RASGEF1A: variants seen among roughly 807,000 people sequenced by gnomAD.
The protein encoded by RASGEF1A is ras-GEF domain-containing family member 1A.
RASGEF1A carries 18 observed loss-of-function variants against 56.4 expected under a neutral mutation model. The observed-to-expected ratio is 0.32, with a 90% CI of 0.22 to 0.47. The LOEUF (loss-of-function observed/expected upper bound fraction) is 0.47, where lower values mean the gene tolerates loss of function less well. Ranked by LOEUF, RASGEF1A falls within the 20% of genes least tolerant of loss-of-function variation. RASGEF1A has a pLI of 1.00. For synonymous variants in RASGEF1A, 245 were observed against 242.6 expected (o/e 1.01, Z -0.09); for missense variants, 422 against 627.1 (o/e 0.67, Z 3.49).
rs1181944995 is a variant in RASGEF1A, at chr10:43,225,995, C to T, written c.-6-19873G>A. Among the ~76,000 whole-genome samples the T allele has an allele frequency of 4.6e-5, 7 of 152,040 alleles. No individual in the cohort carries two copies. In the East Asian group the frequency reaches 1.4e-3, roughly 29 times the overall value. On this transcript the variant is annotated intron_variant, in intron 1 of 12. Coordinates refer to ENST00000395810, the MANE Select transcript of RASGEF1A (RefSeq NM_145313.4). ...GGAAATGCCAGGGGCTGGGTCCCAG[C>T]CCGGAAGGCGGGTGTGGGCGGTGAC... is the stretch of plus-strand genomic sequence containing the variant.
At chr10:43,213,359 TGA>T (rs1371794863) in intron 1 of RASGEF1A, among the ~76,000 whole-genome samples, 1 of 151,762 alleles carries the variant, frequency 6.6e-6, no homozygotes, top group African/African-American at 2.4e-5. Context: ...ATACTACATA[TGA>T]ATAAAAGAAA....
chr10:43,207,262 C>T, intron 1 of RASGEF1A: 1 of 985,540 alleles, frequency 1.0e-6, no homozygotes, highest in Non-Finnish European at 1.2e-6. Context: ...CCATTTTGGC[C>T]TTAGTTTCCC....
intron 1 of RASGEF1A, among the ~76,000 whole-genome samples, chr10:43,236,367 C>T (rs1271370742): frequency 6.6e-6 from 1 of 152,198 alleles, no homozygotes; most frequent in Admixed American, 6.5e-5. Flanking sequence ...ACATGTGTGC[C>T]TGAGCAGGTG....
chr10:43,202,823 T>C (rs1325668753), intron 3 of RASGEF1A: 1 of 422,294 alleles, frequency 2.4e-6, no homozygotes. Flanking sequence ...CAGCCTGGTG[T>C]GGCGTCACGC....
Position 43,215,792 on chromosome 10 carries a change from C to T in RASGEF1A, c.-6-9670G>A, listed in dbSNP as rs568520360. Reference sequence around the variant, plus strand: ...TGCCACGCACAACGGCCACAGATGGCGACATGATATTCTGGGTTAGGAGAG... The same window carrying T: ...TGCCACGCACAACGGCCACAGATGGTGACATGATATTCTGGGTTAGGAGAG... On this transcript the variant is annotated intron_variant, in intron 1 of 12. Coordinates refer to ENST00000395810, the MANE Select transcript of RASGEF1A (RefSeq NM_145313.4). Among the ~76,000 whole-genome samples the T allele has an allele frequency of 6.6e-5, 10 of 152,238 alleles. No individual in the cohort carries two copies. In the South Asian group the frequency reaches 1.5e-3, roughly 22 times the overall value.
chr10:43,242,688 A>G (rs975925828), intron 1 of RASGEF1A, among the ~76,000 whole-genome samples: 1 of 151,436 alleles, frequency 6.6e-6, no homozygotes, highest in African/African-American at 2.4e-5. Context: ...ACGCGCCGCC[A>G]CTCTTGACTG....
At chr10:43,202,600 C>T (rs1588928326) in intron 3 of RASGEF1A, 2 of 465,400 alleles carry the variant, frequency 4.3e-6, no homozygotes, top group Non-Finnish European at 8.8e-6. Context: ...GCCAAGACTC[C>T]GCGCCAGCCC....
chr10:43,260,572 C>A (rs1204682738), intron 1 of RASGEF1A, among the ~76,000 whole-genome samples: 5 of 152,324 alleles, frequency 3.3e-5, no homozygotes, highest in East Asian at 1.9e-4. Flanking sequence ...CAGACCCAGA[C>A]CCCACGGAGA....
At chr10:43,202,332 A>G (rs536424882) in intron 3 of RASGEF1A, among the ~76,000 whole-genome samples, 7 of 152,304 alleles carry the variant, frequency 4.6e-5, no homozygotes, top group African/African-American at 1.7e-4. Flanking sequence ...TGAAAGGGCG[A>G]CAGCGCTGAA....
At chr10:43,208,217 C>T (rs1435811947) in intron 1 of RASGEF1A, 1 of 985,342 alleles carries the variant, frequency 1.0e-6, no homozygotes, top group Non-Finnish European at 1.2e-6. Context: ...CCTCCTCACC[C>T]CAAGCTCTTG....
At chr10:43,264,468 G>A (rs559423834) in intron 1 of RASGEF1A, among the ~76,000 whole-genome samples, 37 of 151,618 alleles carry the variant, frequency 2.4e-4, no homozygotes, top group Non-Finnish European at 3.8e-4. Context: ...CCCTCCCTCC[G>A]CACATCACAC....
intron 4 of RASGEF1A, among the ~76,000 whole-genome samples, chr10:43,201,127 A>C (rs1205765612): frequency 1.3e-5 from 2 of 152,216 alleles, no homozygotes; most frequent in African/African-American, 4.8e-5. Flanking sequence ...CTAAGGGCAG[A>C]GACAGGCTCA....
rs11238480 is a variant in RASGEF1A, at chr10:43,223,025, A to G, written c.-6-16903T>C. On this transcript the variant is annotated intron_variant, in intron 1 of 12. Coordinates refer to ENST00000395810, the MANE Select transcript of RASGEF1A (RefSeq NM_145313.4). ...TTGGTTTTTTTTTTATAACCCTATT[A>G]GAGGTAAACTCCCAAGAACACAAAG... Among the ~76,000 whole-genome samples the G allele has an allele frequency of 2.4e-3, 370 of 152,250 alleles. 2 individuals carry two copies. Among genetic ancestry groups the G allele is most frequent in the African/African-American group, 8.4e-3 (349 of 41,524 alleles).
chr10:43,205,448 A>G (rs1839979051), intron 2 of RASGEF1A, among the ~76,000 whole-genome samples: 1 of 152,182 alleles, frequency 6.6e-6, no homozygotes, highest in Non-Finnish European at 1.5e-5. Flanking sequence ...AGGGCAGGGC[A>G]GGCCGGGCCA....
chr10:43,201,264 C>T (rs1839893428), intron 4 of RASGEF1A, among the ~76,000 whole-genome samples: 1 of 152,238 alleles, frequency 6.6e-6, no homozygotes, highest in South Asian at 2.1e-4. Context: ...AGCCAGGAGT[C>T]TCTGCCCCCT....
At chr10:43,253,732 C>T (rs979014387) in intron 1 of RASGEF1A, among the ~76,000 whole-genome samples, 9 of 152,250 alleles carry the variant, frequency 5.9e-5, no homozygotes, top group South Asian at 2.1e-4. Flanking sequence ...TGCGTGACCA[C>T]GATTCTGCCT....
intron 1 of RASGEF1A, among the ~76,000 whole-genome samples, chr10:43,231,238 T>C (rs1258059968): frequency 6.6e-6 from 1 of 152,254 alleles, no homozygotes; most frequent in East Asian, 1.9e-4. Context: ...CAGGATGGTC[T>C]GGGCCTGCAG....
At chr10:43,203,003 C>T (rs527596348) in intron 3 of RASGEF1A, among the ~76,000 whole-genome samples, 70 of 145,818 alleles carry the variant, frequency 4.8e-4, no homozygotes, top group African/African-American at 1.6e-3. Flanking sequence ...GCCATGACCC[C>T]GCCCCCTGGT....
In RASGEF1A at chr10:43,208,976, G is replaced by T. The variant is rs148132655; in HGVS notation, c.-6-2854C>A. ...GTGATGATGACAGCACTTCCACTGC[G>T]GGGTCCCCTGCCGGCCACCCCCACC... On this transcript the variant is annotated intron_variant, in intron 1 of 12. Transcript: ENST00000395810. 4.1e-3 allele frequency: 4,072 copies of T among 985,416 alleles called. 5 individuals carry two copies. Among genetic ancestry groups the T allele is most frequent in the Non-Finnish European group, 4.6e-3 (3,854 of 829,970 alleles). The allele number at this position is 985,416 out of a possible 1,614,324, so 61.0% of individuals were successfully genotyped here. A position where few individuals can be genotyped will look rare whatever the true frequency, so the allele number is the denominator to read the frequency against.
Sources: gnomAD v4.1 joint callset for allele counts (sites outside exome capture counted in the v4.1 genomes callset) on GRCh38, gnomAD v4.1.1 for gene constraint, MANE v1.5 for transcripts, NCBI Gene and HGNC (gene_info 2026-07-23, HGNC 2026-07-21) for gene names.